SRRM4: variants seen among roughly 807,000 people sequenced by gnomAD.
The protein encoded by SRRM4 is serine/arginine repetitive matrix 4.
A neutral mutation model predicts 68.9 loss-of-function variants in SRRM4; 33 were observed. The ratio of observed to expected loss-of-function variants is 0.48; its 90% CI spans 0.36 to 0.64. The LOEUF (loss-of-function observed/expected upper bound fraction) is 0.64. SRRM4 is among the 30% of genes least tolerant of loss of function. SRRM4 has a pLI of 0.00. For synonymous variants in SRRM4, 318 were observed against 318.8 expected (o/e 1.00, Z 0.03); for missense variants, 817 against 827.1 (o/e 0.99, Z 0.15).
chr12:119,110,864 T>A (rs1450610038), intron 2 of SRRM4, among the ~76,000 whole-genome samples: 1 of 152,182 alleles, frequency 6.6e-6, no homozygotes, highest in African/African-American at 2.4e-5. Context: ...ACCCGGTACC[T>A]TAGTTGGAAA....
chr12:119,055,404 C>T (rs747260172), intron 1 of SRRM4, among the ~76,000 whole-genome samples: 2 of 152,112 alleles, frequency 1.3e-5, no homozygotes, highest in African/African-American at 2.4e-5. Flanking sequence ...GCTTTTTTCC[C>T]CTCCAGGGTT....
chr12:119,115,797 T>C (rs11615966), intron 3 of SRRM4, among the ~76,000 whole-genome samples: 10,404 of 152,262 alleles, frequency 0.068, 395 homozygotes, highest in Admixed American at 0.1. Context: ...GGACAAATGT[T>C]ATGATTCCTT....
chr12:119,090,541 C>T (rs1954008662), intron 1 of SRRM4, among the ~76,000 whole-genome samples: 1 of 152,140 alleles, frequency 6.6e-6, no homozygotes, highest in African/African-American at 2.4e-5. Flanking sequence ...TATGGGCCTC[C>T]CTCCCCACAT....
chr12:119,129,345 A>G (rs1199255333), intron 7 of SRRM4, among the ~76,000 whole-genome samples: 4 of 152,240 alleles, frequency 2.6e-5, no homozygotes, highest in Non-Finnish European at 4.4e-5. Flanking sequence ...AAGAAGTCAG[A>G]CATGCCTTTG....
rs1047909640 is a variant in SRRM4 at position 119,100,078 on chromosome 12, C to A, written c.132-2158C>A. ...CCAAATTTTAAGATTAGTCCTGAATCCTTCAAGTCTCCACTCCCTTGTTAC... is the reference window on the plus strand; with the variant it reads ...CCAAATTTTAAGATTAGTCCTGAATACTTCAAGTCTCCACTCCCTTGTTAC... On this transcript the variant is annotated intron_variant, in intron 1 of 12. Transcript: ENST00000267260. Among the ~76,000 whole-genome samples, 4 of 152,128 alleles carry A rather than the reference C, an allele frequency of 2.6e-5. No individual in the cohort carries two copies. The East Asian group carries it at 7.7e-4, about 29-fold the overall frequency.
intron 1 of SRRM4, among the ~76,000 whole-genome samples, chr12:119,002,830 G>A (rs1953393280): frequency 1.3e-5 from 2 of 152,220 alleles, no homozygotes; most frequent in South Asian, 4.2e-4. Flanking sequence ...CTCTGGTGGT[G>A]ACAAAGGCCA....
chr12:119,023,275 T>C (rs970632949), intron 1 of SRRM4, among the ~76,000 whole-genome samples: 1 of 152,090 alleles, frequency 6.6e-6, no homozygotes, highest in African/African-American at 2.4e-5. Flanking sequence ...CATGAACTAA[T>C]CCCTGGGTCA....
intron 1 of SRRM4, among the ~76,000 whole-genome samples, chr12:119,007,174 C>T (rs375827074): frequency 1.3e-4 from 20 of 152,346 alleles, no homozygotes; most frequent in East Asian, 5.8e-4. Context: ...ACGAACCATC[C>T]ATTGCACATG....
intron 1 of SRRM4, among the ~76,000 whole-genome samples, chr12:118,988,971 G>A (rs1291943502): frequency 5.3e-5 from 8 of 152,180 alleles, no homozygotes; most frequent in Non-Finnish European, 1.0e-4. Flanking sequence ...TGAGGTAGAA[G>A]GATGCTTGGT....
chr12:119,072,208 T>A (rs1365825271), intron 1 of SRRM4, among the ~76,000 whole-genome samples: 1 of 152,224 alleles, frequency 6.6e-6, no homozygotes, highest in Non-Finnish European at 1.5e-5. Context: ...CTGTTCTGTC[T>A]GGCCATCCTA....
rs766321545 is a variant in SRRM4 at position 119,114,281 on chromosome 12, C to T, written c.282C>T (p.Ala94=). 6.2e-7 allele frequency: 1 copy of T among 1,612,120 alleles called. No individual in the cohort carries two copies. The highest frequency in any genetic ancestry group is 2.2e-5 in the East Asian group (1 of 44,858). Reference sequence around the variant, plus strand: ...CTCCTCTCTTTGCTCCTCACAGTGCCTCTCATGACAAAGACTTGACACCAC... The same window carrying T: ...CTCCTCTCTTTGCTCCTCACAGTGCTTCTCATGACAAAGACTTGACACCAC... ...RELGATRGHS[A]SHDKDLTPPP... The change falls in exon 3 of 13, where the codon GCC becomes GCT. Residue 94 remains alanine, a synonymous_variant. Transcript: ENST00000267260.
rs566553023 is a variant in SRRM4, at chr12:119,075,151, A to G, written c.132-27085A>G. Among the ~76,000 whole-genome samples, 28 of 152,330 alleles carry G rather than the reference A, an allele frequency of 1.8e-4. No individual in the cohort carries two copies. In the East Asian group the frequency reaches 5.4e-3, roughly 29 times the overall value. On this transcript the variant is annotated intron_variant, in intron 1 of 12. Coordinates refer to ENST00000267260, the MANE Select transcript of SRRM4 (RefSeq NM_194286.4). ...CATCCCTAAGCTCCAATTGAAATAA[A>G]TGTTAATTGGTTCAAAACTTTGAAT...
At position 119,114,207 on chromosome 12, in the gene SRRM4, G is replaced by T. The variant is rs1954162675; in HGVS notation, c.279-71G>T. ...ATCCAAGGACCTGGGTCCTTCCCTGGCTGCACCAGCTCTGGTTGGGGAGTT... is the reference window on the plus strand; with the variant it reads ...ATCCAAGGACCTGGGTCCTTCCCTGTCTGCACCAGCTCTGGTTGGGGAGTT... On this transcript the variant is annotated intron_variant, in intron 2 of 12. Transcript: ENST00000267260. 1.0e-5 allele frequency: 14 copies of T among 1,381,910 alleles called. No homozygotes were observed. The South Asian group carries it at 1.7e-4, about 17-fold the overall frequency. 85.6% of individuals were successfully genotyped at this position (1,381,910 alleles called of 1,614,324 possible). A position where few individuals can be genotyped will look rare whatever the true frequency, so the allele number is the denominator to read the frequency against.
chr12:118,988,127 T>TA (rs58255601), intron 1 of SRRM4, among the ~76,000 whole-genome samples: 22,428 of 149,468 alleles, frequency 0.15, 2,058 homozygotes, highest in Non-Finnish European at 0.2. Flanking sequence ...CAGAGGAATG[T>TA]AAAAAAAAAA....
At chr12:119,023,057 G>A (rs1477109957) in intron 1 of SRRM4, among the ~76,000 whole-genome samples, 1 of 152,198 alleles carries the variant, frequency 6.6e-6, no homozygotes, top group African/African-American at 2.4e-5. Context: ...ACCTGTCACG[G>A]TAAGAAGAAT....
chr12:119,026,721 GT>G (rs1212667601), intron 1 of SRRM4, among the ~76,000 whole-genome samples: 2 of 151,382 alleles, frequency 1.3e-5, no homozygotes, highest in East Asian at 3.9e-4. Context: ...GCTAATTTTT[GT>G]TTTTTTTGTA....
At chr12:119,134,195 G>T (rs1466043497) in intron 8 of SRRM4, among the ~76,000 whole-genome samples, 1 of 152,044 alleles carries the variant, frequency 6.6e-6, no homozygotes, top group Non-Finnish European at 1.5e-5. Flanking sequence ...TTACATATAT[G>T]AATATGCAAA....
intron 2 of SRRM4, among the ~76,000 whole-genome samples, chr12:119,106,566 A>T (rs1355164063): frequency 6.7e-6 from 1 of 149,800 alleles, no homozygotes; most frequent in South Asian, 2.2e-4. Context: ...ATTCTCTTTG[A>T]AGCAATTGTG....
chr12:119,009,019 G>A (rs1370494327), intron 1 of SRRM4, among the ~76,000 whole-genome samples: 1 of 151,860 alleles, frequency 6.6e-6, no homozygotes, highest in Non-Finnish European at 1.5e-5. Flanking sequence ...CCAAAGGGGT[G>A]GGGTAAGACC....
Sources: allele counts gnomAD v4.1 joint callset (sites outside exome capture counted in the v4.1 genomes callset), GRCh38; gene constraint gnomAD v4.1.1; transcripts MANE v1.5; gene names NCBI Gene and HGNC (gene_info 2026-07-23, HGNC 2026-07-21).